DGCR6L: variants seen among roughly 807,000 people sequenced by gnomAD.
DGCR6L encodes protein DGCR6L.
A neutral mutation model predicts 31.1 loss-of-function variants in DGCR6L; 24 were observed. The ratio of observed to expected loss-of-function variants is 0.77; its 90% CI spans 0.56 to 1.08. DGCR6L has a LOEUF of 1.08. Ranked by LOEUF, DGCR6L falls within the 50% of genes least tolerant of loss-of-function variation. The pLI, the probability that DGCR6L is intolerant of heterozygous loss-of-function variation, is 0.00. For synonymous variants in DGCR6L, 104 were observed against 126.1 expected (o/e 0.82, Z 1.17); for missense variants, 218 against 287.1 (o/e 0.76, Z 1.74).
At chr22:20,314,877 A>G (rs1197219556) in intron 4 of DGCR6L, 53 bp from the exon 5 acceptor site, 56 of 1,608,886 alleles carry the variant, frequency 3.5e-5, no homozygotes, top group South Asian at 5.5e-5. Context: ...GGCCCCTTTC[A>G]TCCCGGCCCA....
chr22:20,314,967 AGCTTCT>A (rs2051560802), intron 4 of DGCR6L, 143 bp from the exon 5 acceptor site: 1 of 1,522,220 alleles, frequency 6.6e-7, no homozygotes. Flanking sequence ...GTGGAATCTG[AGCTTCT>A]GCCCCCAACA....
chr22:20,319,913 A>C lies in DGCR6L; in HGVS notation c.76T>G (p.Ser26Ala). 6.2e-7 allele frequency: 1 copy of C among 1,610,842 alleles called. No individual in the cohort carries two copies. Among genetic ancestry groups the C allele is most frequent in the Non-Finnish European group, 8.5e-7 (1 of 1,179,208 alleles). The change falls in exon 1 of 5, where the codon TCG becomes GCG. Residue 26 changes from serine (S) to alanine (A), a missense_variant. By Grantham distance (99) the Ser-to-Ala change is moderately conservative (BLOSUM62 1). This residue lies in a region of DGCR6L where 77 missense variants were observed against 71.2 expected (regional missense o/e 1.08). Transcript: ENST00000248879. ...TCCTTCACCAGGCTCTGTAGCGCCG[A>C]CAGCAACTGGTAGTGTCGCTCCTGC... is the stretch of plus-strand genomic sequence containing the variant. ...RQQERHYQLL[S>A]ALQSLVKELP...
rs187699878 is a variant in DGCR6L at position 20,314,992 on chromosome 22, C to T, written c.514-168G>A. ...AGCTTCTGCCCCCAACAGGGCCACT[C>T]GGAATCTGAGCCTCTGCCCCCAGCA... On this transcript the variant is annotated intron_variant, in intron 4 of 4. Transcript: ENST00000248879. 1.7e-3 allele frequency: 2,434 copies of T among 1,444,622 alleles called. 6 individuals are homozygous for T. Among genetic ancestry groups the T allele is most frequent in the Non-Finnish European group, 1.7e-3 (1,845 of 1,054,436 alleles). 89.5% of individuals were successfully genotyped at this position (1,444,622 alleles called of 1,614,324 possible).
chr22:20,317,835 C>T (rs1201658375), intron 2 of DGCR6L, among the ~76,000 whole-genome samples: 6 of 152,242 alleles, frequency 3.9e-5, no homozygotes, highest in Non-Finnish European at 7.3e-5. Flanking sequence ...TAGTAAACTA[C>T]ATACATCTTA....
intron 4 of DGCR6L, 57 bp downstream of exon 4, chr22:20,315,279 A>C: frequency 6.4e-7 from 1 of 1,569,390 alleles, no homozygotes; most frequent in Admixed American, 1.9e-5. Context: ...GTAAAACCCC[A>C]GATGGAATGG....
Position 20,320,024 on chromosome 22 carries a change from G to C in DGCR6L, c.-36C>G. ...CCCGCTAGCCGCCGGCGGCGGCGAC[G>C]AGCTCCCCCAGCTTCACGACATCCC... On this transcript the variant is annotated 5_prime_UTR_variant, in exon 1 of 5. Coordinates refer to ENST00000248879, the MANE Select transcript of DGCR6L (RefSeq NM_033257.4). The C allele has an allele frequency of 6.6e-7, 1 of 1,511,648 alleles. No individual in the cohort carries two copies. Among genetic ancestry groups the C allele is most frequent in the Middle Eastern group, 2.4e-4 (1 of 4,186 alleles). The allele number at this position is 1,511,648 out of a possible 1,614,324, so 93.6% of individuals were successfully genotyped here.
In DGCR6L at chr22:20,319,612, G is replaced by C. The variant is rs763629107; in HGVS notation, c.271+27C>G. ...CGGAGGCGCCGACCCGGAGGAGGCG[G>C]CACCTCATCCCGCTGCCCCCGCGCA... is the stretch of plus-strand genomic sequence containing the variant. On this transcript the variant is annotated intron_variant, in intron 2 of 4. Transcript: ENST00000248879. The C allele has an allele frequency of 7.5e-6, 12 of 1,607,710 alleles. No individual in the cohort carries two copies. The African/African-American group carries it at 1.6e-4, about 22-fold the overall frequency.
intron 3 of DGCR6L, among the ~76,000 whole-genome samples, chr22:20,315,825 A>G (rs1569060509): frequency 6.6e-6 from 1 of 151,954 alleles, no homozygotes; most frequent in Non-Finnish European, 1.5e-5. Context: ...CCAACACCCT[A>G]CCATTGCCTT....
At chr22:20,317,171 T>C (rs1415229138) in intron 2 of DGCR6L, among the ~76,000 whole-genome samples, 1 of 152,154 alleles carries the variant, frequency 6.6e-6, no homozygotes, top group African/African-American at 2.4e-5. Context: ...CCCCTGCAGG[T>C]AGCCTGGCTC....
rs1200101859 is a variant in DGCR6L, at chr22:20,314,324, G to C, written c.*351C>G. ...TATTTCTCTGGGTCACACAGAGCTT[G>C]GGCCTGGGAGCCTCTTCTGCATGGG... On this transcript the variant is annotated 3_prime_UTR_variant, in exon 5 of 5. Transcript: ENST00000248879. The C allele has an allele frequency of 1.2e-5, 3 of 244,390 alleles. No individual in the cohort carries two copies. Among genetic ancestry groups the C allele is most frequent in the Non-Finnish European group, 2.4e-5 (3 of 126,774 alleles). The allele number at this position is 244,390 out of a possible 1,614,324, so 15.1% of individuals were successfully genotyped here.
chr22:20,314,821 G>C lies in DGCR6L; in HGVS notation c.517C>G (p.Leu173Val), dbSNP rs754194034. 6.2e-7 allele frequency: 1 copy of C among 1,611,148 alleles called. No individual in the cohort carries two copies. Residue 173 changes from leucine to valine, a missense_variant, in exon 5 of 5, where the codon CTG becomes GTG. Around this residue, in one of 4 missense-constraint regions of DGCR6L, gnomAD observed 58 missense variants for 105.4 expected, o/e 0.55. Coordinates refer to ENST00000248879, the MANE Select transcript of DGCR6L (RefSeq NM_033257.4). ...GFYVTTNPQELMLQMNLLELI... is the reference protein window; with the variant it reads ...GFYVTTNPQEVMLQMNLLELI... ...TCCAGCAGGTTCATCTGCAGCATCA[G>C]CTCCTGGGATACAGAGGGGCCCCAT...
intron 1 of DGCR6L, 34 bp downstream of exon 1, chr22:20,319,845 C>G: frequency 6.3e-7 from 1 of 1,589,886 alleles, no homozygotes; most frequent in South Asian, 1.1e-5. Context: ...AACGAAGCCG[C>G]CTCCGCAGGC....
intron 2 of DGCR6L, 49 bp downstream of exon 2, chr22:20,319,590 A>C (rs1169405883): frequency 6.3e-7 from 1 of 1,597,946 alleles, no homozygotes; most frequent in Non-Finnish European, 8.5e-7. Flanking sequence ...AGCTGCCCGG[A>C]GGCGCCGACC....
chr22:20,318,353 G>C (rs1465713824), intron 2 of DGCR6L: 1 of 152,294 alleles, frequency 6.6e-6, no homozygotes, highest in Admixed American at 6.5e-5. Context: ...CAGCAGTCCA[G>C]TGTACAGGAA....
At chr22:20,316,648 A>G (rs574013753) in intron 2 of DGCR6L, among the ~76,000 whole-genome samples, 1 of 152,178 alleles carries the variant, frequency 6.6e-6, no homozygotes, top group Non-Finnish European at 1.5e-5. Flanking sequence ...GCTGACCCTG[A>G]GCGTGGGGCC....
In DGCR6L at chr22:20,314,483, A is replaced by G. The variant is rs183077953; in HGVS notation, c.*192T>C. 3.7e-3 allele frequency: 3,593 copies of G among 960,858 alleles called. 64 individuals are homozygous for G. The highest frequency in any genetic ancestry group is 0.033 in the Admixed American group (1,088 of 32,478). The allele number at this position is 960,858 out of a possible 1,614,324, so 59.5% of individuals were successfully genotyped here. Reference sequence around the variant, plus strand: ...CTCTCTGCCTGGTCCTGAAGCAGACAGCAGCAGGCTGGCCCAGCCTCCCCT... The same window carrying G: ...CTCTCTGCCTGGTCCTGAAGCAGACGGCAGCAGGCTGGCCCAGCCTCCCCT... On this transcript the variant is annotated 3_prime_UTR_variant, in exon 5 of 5. Transcript: ENST00000248879.
In DGCR6L at chr22:20,319,815, C is replaced by T; in HGVS notation, c.111-16G>A. 3 of 1,603,940 alleles carry T rather than the reference C, an allele frequency of 1.9e-6. No individual in the cohort carries two copies. Among genetic ancestry groups the T allele is most frequent in the Non-Finnish European group, 2.6e-6 (3 of 1,175,788 alleles). On this transcript the variant is annotated splice_polypyrimidine_tract_variant and intron_variant, in intron 1 of 4. Coordinates refer to ENST00000248879, the MANE Select transcript of DGCR6L (RefSeq NM_033257.4). Reference sequence around the variant, plus strand: ...CTGGAAAGAGCTGCGGGTAGGGGGGCGCGGTGAGCCCCGGCGGGAAACGAA... The same window carrying T: ...CTGGAAAGAGCTGCGGGTAGGGGGGTGCGGTGAGCCCCGGCGGGAAACGAA...
At chr22:20,318,083 T>C in intron 2 of DGCR6L, 1 of 195,700 alleles carries the variant, frequency 5.1e-6, no homozygotes, top group South Asian at 7.5e-5. Flanking sequence ...AAATCCAGCA[T>C]ACATAAAAAG....
chr22:20,314,844 C>T lies in DGCR6L; in HGVS notation c.514-20G>A, dbSNP rs2051559734. The stretch of plus-strand genomic sequence containing the variant: ...CAGCTCCTGGGATACAGAGGGGCCC[C>T]ATGAAGGCCAGAGTGACCCCCAGGC... On this transcript the variant is annotated intron_variant, in intron 4 of 4. Transcript: ENST00000248879. 6.2e-7 allele frequency: 1 copy of T among 1,610,114 alleles called. No individual in the cohort carries two copies. The highest frequency in any genetic ancestry group is 1.7e-5 in the Admixed American group (1 of 59,884).
Sources: gnomAD v4.1 joint callset for allele counts (sites outside exome capture counted in the v4.1 genomes callset) on GRCh38, gnomAD v4.1.1 for gene constraint, gnomAD v4.1.1 regional missense constraint, MANE v1.5 for transcripts, NCBI Gene and HGNC (gene_info 2026-07-23, HGNC 2026-07-21) for gene names.